KAZN: variants seen among roughly 807,000 people sequenced by gnomAD.
KAZN encodes the protein kazrin.
Under a neutral mutation model 87.4 loss-of-function variants are expected in KAZN, and 40 were observed. The ratio of observed to expected loss-of-function variants is 0.46; its 90% CI spans 0.36 to 0.60. The LOEUF is 0.60. Ranked by LOEUF, KAZN falls within the 20% of genes least tolerant of loss-of-function variation. The pLI is 0.00. For missense variants in KAZN, 898 were observed against 1,073.9 expected, an observed-to-expected ratio of 0.84 and a Z score of 2.29; for synonymous variants, 466 against 458.3, an observed-to-expected ratio of 1.02 and a Z score of -0.22.
intron 2 of KAZN, among the ~76,000 whole-genome samples, chr1:14,280,370 CAAAAAAAAAAAAAAA>C (rs1162522967): frequency 5.4e-5 from 2 of 36,824 alleles, no homozygotes; most frequent in South Asian, 1.9e-3. Flanking sequence ...GACTCCATCT[CAAAAAAAAAAAAAAA>C]AAAAAAAAAA....
intron 1 of KAZN, among the ~76,000 whole-genome samples, chr1:14,731,396 G>C (rs963620141): frequency 2.0e-5 from 3 of 152,184 alleles, no homozygotes; most frequent in Non-Finnish European, 4.4e-5. Flanking sequence ...GGCTAAGGGT[G>C]CCCAGCCCCA....
chr1:14,022,267 T>C (rs1640863472), intron 1 of KAZN, among the ~76,000 whole-genome samples: 1 of 151,934 alleles, frequency 6.6e-6, no homozygotes, highest in Non-Finnish European at 1.5e-5. Context: ...TCATGGTGTT[T>C]ATATCTAATC....
intron 1 of KAZN, among the ~76,000 whole-genome samples, chr1:14,912,206 A>G (rs1039882902): frequency 6.6e-6 from 1 of 151,650 alleles, no homozygotes; most frequent in Admixed American, 6.6e-5. Flanking sequence ...CCCAGCCAAC[A>G]GAACAAGCAT....
chr1:14,805,101 G>A (rs911912804), intron 1 of KAZN, among the ~76,000 whole-genome samples: 1 of 152,238 alleles, frequency 6.6e-6, no homozygotes, highest in Non-Finnish European at 1.5e-5. Context: ...AGGTTGAAGA[G>A]CGTACTAGTC....
At chr1:14,678,672 C>T (rs1640389325) in intron 1 of KAZN, among the ~76,000 whole-genome samples, 1 of 152,184 alleles carries the variant, frequency 6.6e-6, no homozygotes, top group Non-Finnish European at 1.5e-5. Flanking sequence ...GAGCCCCTTC[C>T]CCTCTCAGGC....
chr1:14,107,711 G>A (rs1049845764), intron 1 of KAZN, among the ~76,000 whole-genome samples: 6 of 152,266 alleles, frequency 3.9e-5, no homozygotes, highest in South Asian at 4.2e-4. Flanking sequence ...GTGGGCGGAA[G>A]CTCCATTTTA....
chr1:14,212,652 T>C (rs1646877750), intron 2 of KAZN, among the ~76,000 whole-genome samples: 1 of 152,094 alleles, frequency 6.6e-6, no homozygotes, highest in East Asian at 1.9e-4. Flanking sequence ...GGTAGGTATA[T>C]CCAGAAGAAT....
intron 1 of KAZN, among the ~76,000 whole-genome samples, chr1:14,685,912 T>G (rs1399283521): frequency 6.6e-6 from 1 of 152,196 alleles, no homozygotes; most frequent in Non-Finnish European, 1.5e-5. Flanking sequence ...GGATGGGTAT[T>G]ATTCCCATTT....
intron 2 of KAZN, among the ~76,000 whole-genome samples, chr1:14,191,696 T>C (rs1312073984): frequency 2.0e-5 from 3 of 151,994 alleles, no homozygotes; most frequent in Non-Finnish European, 2.9e-5. Context: ...TTAAGAGAGA[T>C]TTTGGTAGCC....
chr1:14,701,294 A>G (rs56101821), intron 1 of KAZN, among the ~76,000 whole-genome samples: 9,168 of 152,076 alleles, frequency 0.06, 905 homozygotes, highest in African/African-American at 0.2. Context: ...CTAATTTTTA[A>G]AATTGTTATT....
intron 2 of KAZN, among the ~76,000 whole-genome samples, chr1:14,300,016 T>C (rs1654428644): frequency 6.6e-6 from 1 of 151,984 alleles, no homozygotes; most frequent in Admixed American, 6.6e-5. Context: ...ATATTGGAGC[T>C]GACAAGAAAC....
At chr1:13,944,418 G>A (rs1420871785) in intron 1 of KAZN, among the ~76,000 whole-genome samples, 1 of 152,058 alleles carries the variant, frequency 6.6e-6, no homozygotes, top group Non-Finnish European at 1.5e-5. Flanking sequence ...TTTATCGGGG[G>A]GTAAATTGCT....
chr1:15,106,788 G>T (rs965482775), intron 13 of KAZN, among the ~76,000 whole-genome samples: 9 of 152,148 alleles, frequency 5.9e-5, no homozygotes, highest in African/African-American at 1.9e-4. Flanking sequence ...TGGTCTCATG[G>T]TATCTGCTTT....
chr1:14,834,322 C>A (rs1355318881), intron 1 of KAZN, among the ~76,000 whole-genome samples: 1 of 150,540 alleles, frequency 6.6e-6, no homozygotes, highest in Admixed American at 6.7e-5. Flanking sequence ...AGGTGTGAGC[C>A]ACTATGCCTG....
chr1:14,591,838 A>G (rs1000288380), intron 2 of KAZN, among the ~76,000 whole-genome samples: 1 of 152,112 alleles, frequency 6.6e-6, no homozygotes, highest in South Asian at 2.1e-4. Context: ...TTTCATCAAC[A>G]CTGAACGCAT....
intron 1 of KAZN, among the ~76,000 whole-genome samples, chr1:14,818,990 C>T (rs184503110): frequency 1.3e-5 from 2 of 152,216 alleles, no homozygotes; most frequent in African/African-American, 2.4e-5. Flanking sequence ...GGGAGGCAAA[C>T]GCCGCAGTGA....
At chr1:14,453,341 GA>G (rs1402548825) in intron 2 of KAZN, among the ~76,000 whole-genome samples, 2 of 152,088 alleles carry the variant, frequency 1.3e-5, no homozygotes, top group African/African-American at 4.8e-5. Flanking sequence ...TATTATAAGA[GA>G]TTTTTTTAAA....
intron 1 of KAZN, among the ~76,000 whole-genome samples, chr1:14,061,083 G>A (rs1303057635): frequency 6.6e-6 from 1 of 152,200 alleles, no homozygotes; most frequent in Non-Finnish European, 1.5e-5. Flanking sequence ...TCCGAGAAGG[G>A]GAGGACCAGG....
At chr1:14,188,095 A>G (rs1425698631) in intron 2 of KAZN, among the ~76,000 whole-genome samples, 1 of 152,062 alleles carries the variant, frequency 6.6e-6, no homozygotes, top group Non-Finnish European at 1.5e-5. Flanking sequence ...TCTTAAAGAA[A>G]CACTGTACCA....
Sources: allele counts gnomAD v4.1 joint callset (sites outside exome capture counted in the v4.1 genomes callset), GRCh38; gene constraint gnomAD v4.1.1; transcripts MANE v1.5; gene names NCBI Gene and HGNC (gene_info 2026-07-23, HGNC 2026-07-21).